The following NCALD variants were observed in gnomAD, a reference collection of about 807,000 sequenced individuals.
NCALD encodes neurocalcin-delta.
In NCALD, 10 loss-of-function variants were observed where a neutral mutation model predicts 18.6. The observed-to-expected ratio is 0.54, with a 90% CI of 0.33 to 0.91. The LOEUF is 0.91. Among genes scored for constraint, NCALD ranks in the 40% least tolerant of loss-of-function variants. The probability of loss-of-function intolerance (pLI) is 0.03; values close to 1 mark genes in which losing one functional copy is unlikely to be tolerated. For missense variants in NCALD, 184 were observed against 247.6 expected, an observed-to-expected ratio of 0.74 and a Z score of 1.72; for synonymous variants, 88 against 87.4, an observed-to-expected ratio of 1.01 and a Z score of -0.04.
intron 2 of NCALD, among the ~76,000 whole-genome samples, chr8:101,961,127 T>C (rs1563935320): frequency 6.6e-6 from 1 of 152,258 alleles, no homozygotes; most frequent in East Asian, 1.9e-4. Flanking sequence ...GGCTGGCACA[T>C]GGTAGGTGTG....
At chr8:101,857,174 A>G (rs1314976434) in intron 4 of NCALD, among the ~76,000 whole-genome samples, 1 of 152,192 alleles carries the variant, frequency 6.6e-6, no homozygotes, top group Non-Finnish European at 1.5e-5. Flanking sequence ...GGATGTTAAG[A>G]TTTGCTTCAG....
intron 4 of NCALD, among the ~76,000 whole-genome samples, chr8:101,817,819 C>T (rs559619249): frequency 4.6e-5 from 7 of 152,230 alleles, no homozygotes; most frequent in African/African-American, 1.4e-4. Flanking sequence ...CCCTCTGACA[C>T]CAGAGATTTC....
chr8:101,991,772 C>A lies in NCALD; in HGVS notation c.-157+28465G>T, dbSNP rs147488082. 3.6e-3 allele frequency among the ~76,000 whole-genome samples: 541 copies of A among 152,296 alleles called. 3 individuals are homozygous for A. Among genetic ancestry groups the A allele is most frequent in the African/African-American group, 0.012 (510 of 41,554 alleles). On this transcript the variant is annotated intron_variant, in intron 2 of 6. Transcript: ENST00000311028. ...GAAGAATGGAACAAATCTGTTGGTGCTTTTCCTAGATCGTCTGTGGCCAAG... is the reference window on the plus strand; with the variant it reads ...GAAGAATGGAACAAATCTGTTGGTGATTTTCCTAGATCGTCTGTGGCCAAG...
At chr8:101,762,294 C>T (rs1811145749) in intron 1 of NCALD, among the ~76,000 whole-genome samples, 3 of 152,002 alleles carry the variant, frequency 2.0e-5, no homozygotes, top group Admixed American at 6.6e-5. Flanking sequence ...TTCCATTTTG[C>T]TCTGGTGAGA....
chr8:102,110,043 T>C (rs1234831668), intron 1 of NCALD, among the ~76,000 whole-genome samples: 1 of 152,210 alleles, frequency 6.6e-6, no homozygotes, highest in Non-Finnish European at 1.5e-5. Flanking sequence ...ATATAATATT[T>C]CATCTGAATT....
chr8:102,010,606 C>A (rs1202966278), intron 2 of NCALD, among the ~76,000 whole-genome samples: 1 of 152,118 alleles, frequency 6.6e-6, no homozygotes, highest in African/African-American at 2.4e-5. Context: ...TTCATTTGGG[C>A]CTTCAAATAC....
chr8:101,825,406 G>A (rs1813894900), intron 4 of NCALD, among the ~76,000 whole-genome samples: 1 of 152,230 alleles, frequency 6.6e-6, no homozygotes, highest in Non-Finnish European at 1.5e-5. Context: ...AATGGACAGA[G>A]GGTACAGTCT....
chr8:101,973,796 A>G (rs942885612), intron 2 of NCALD, among the ~76,000 whole-genome samples: 1 of 152,194 alleles, frequency 6.6e-6, no homozygotes, highest in African/African-American at 2.4e-5. Flanking sequence ...TCCTTTTTAT[A>G]TATCAAAGAA....
chr8:102,047,133 A>C (rs543851440), intron 1 of NCALD, among the ~76,000 whole-genome samples: 1 of 148,168 alleles, frequency 6.7e-6, no homozygotes, highest in Non-Finnish European at 1.5e-5. Context: ...GTGTTCCTGC[A>C]AAAGACATGA....
At chr8:101,880,020 G>C (rs998921063) in intron 4 of NCALD, among the ~76,000 whole-genome samples, 6 of 151,418 alleles carry the variant, frequency 4.0e-5, no homozygotes, top group Non-Finnish European at 8.8e-5. Flanking sequence ...ACTGGGCGCC[G>C]TGGAGCAGAG....
intron 2 of NCALD, among the ~76,000 whole-genome samples, chr8:101,700,836 C>T (rs960154053): frequency 1.3e-5 from 2 of 152,192 alleles, no homozygotes; most frequent in Admixed American, 6.5e-5. Context: ...ACTTCCCCCA[C>T]AAAATGAACG....
At chr8:101,785,566 G>A (rs1257907950) in intron 1 of NCALD, among the ~76,000 whole-genome samples, 2 of 152,118 alleles carry the variant, frequency 1.3e-5, no homozygotes, top group African/African-American at 4.8e-5. Flanking sequence ...CTGGGTGAGT[G>A]AAAAATGAAC....
intron 2 of NCALD, among the ~76,000 whole-genome samples, chr8:101,918,587 C>G (rs1818052989): frequency 6.6e-6 from 1 of 151,948 alleles, no homozygotes; most frequent in African/African-American, 2.4e-5. Flanking sequence ...CCTAGAAAAC[C>G]CTAAAGACTC....
chr8:101,850,816 C>T (rs190884456), intron 4 of NCALD, among the ~76,000 whole-genome samples: 75 of 152,082 alleles, frequency 4.9e-4, no homozygotes, highest in Non-Finnish European at 5.7e-4. Flanking sequence ...AAATGTAGCA[C>T]CTTTAATGAA....
chr8:101,744,932 A>T (rs1810364735), intron 1 of NCALD, among the ~76,000 whole-genome samples: 4 of 152,026 alleles, frequency 2.6e-5, no homozygotes, highest in Admixed American at 2.6e-4. Context: ...AATAAAATTT[A>T]ATAATCGTAT....
chr8:101,866,234 C>G (rs577756), intron 4 of NCALD, among the ~76,000 whole-genome samples: 2 of 152,020 alleles, frequency 1.3e-5, no homozygotes, highest in African/African-American at 2.4e-5. Context: ...TTTCTTCTTC[C>G]TACCTTCCCA....
At chr8:101,739,386 T>C (rs1269105534) in intron 1 of NCALD, among the ~76,000 whole-genome samples, 1 of 152,226 alleles carries the variant, frequency 6.6e-6, no homozygotes, top group Non-Finnish European at 1.5e-5. Flanking sequence ...TGTCTATCTT[T>C]CCCTGTGTGA....
upstream of NCALD, among the ~76,000 whole-genome samples, chr8:101,793,840 C>T (rs1167517957): frequency 6.6e-6 from 1 of 152,112 alleles, no homozygotes; most frequent in Non-Finnish European, 1.5e-5. Context: ...ACCACTTTGC[C>T]AGAAATAACT....
Position 102,091,251 on chromosome 8 carries a change from T to A in NCALD, c.-210+32986A>T, listed in dbSNP as rs373393041. Among the ~76,000 whole-genome samples, 496 of 152,346 alleles carry A rather than the reference T, an allele frequency of 3.3e-3. 1 individual carries two copies. The highest frequency in any genetic ancestry group is 0.01 in the Middle Eastern group (3 of 294). ...TTTATACAAGTAATCATGCCAAGTATAATAAAGCAAATCAGTCTTACCAGG... is the reference window on the plus strand; with the variant it reads ...TTTATACAAGTAATCATGCCAAGTAAAATAAAGCAAATCAGTCTTACCAGG... On this transcript the variant is annotated intron_variant, in intron 1 of 6. Coordinates refer to the NCALD transcript ENST00000311028.
Sources: gnomAD v4.1 joint callset for allele counts (sites outside exome capture counted in the v4.1 genomes callset) on GRCh38, gnomAD v4.1.1 for gene constraint, MANE v1.5 for transcripts, NCBI Gene and HGNC (gene_info 2026-07-23, HGNC 2026-07-21) for gene names.